USH2A: variants seen among roughly 807,000 people sequenced by gnomAD.
USH2A encodes Usher syndrome 2A (autosomal recessive, mild).
Under a neutral mutation model 538.9 loss-of-function variants are expected in USH2A, and 443 were observed. The observed-to-expected ratio is 0.82, with a 90% CI of 0.76 to 0.89. The LOEUF is 0.89. Among genes scored for constraint, USH2A ranks in the 40% least tolerant of loss-of-function variants. USH2A has a pLI of 0.00. For missense variants in USH2A, 6,633 were observed against 6,324.8 expected (o/e 1.05, Z -1.65); for synonymous variants, 2,413 against 2,273.5 (o/e 1.06, Z -1.75).
intron 3 of USH2A, among the ~76,000 whole-genome samples, chr1:216,409,251 T>C (rs1365758970): frequency 6.6e-6 from 1 of 152,042 alleles, no homozygotes; most frequent in African/African-American, 2.4e-5. Context: ...TTGGTTTGTG[T>C]GACATTCCAT....
intron 60 of USH2A, among the ~76,000 whole-genome samples, chr1:215,734,095 C>T (rs1403883006): frequency 6.6e-6 from 1 of 152,194 alleles, no homozygotes; most frequent in African/African-American, 2.4e-5. Flanking sequence ...GCCTGGGCAC[C>T]CAGGCTTTCT....
At chr1:216,079,474 G>A (rs1157124666) in intron 26 of USH2A, among the ~76,000 whole-genome samples, 1 of 152,162 alleles carries the variant, frequency 6.6e-6, no homozygotes, top group Non-Finnish European at 1.5e-5. Context: ...GTCCCCCAAG[G>A]AGGGGGACTA....
chr1:216,408,482 T>C (rs1354259769), intron 3 of USH2A, among the ~76,000 whole-genome samples: 4 of 152,178 alleles, frequency 2.6e-5, no homozygotes, highest in African/African-American at 9.6e-5. Context: ...TAAAGTTTAA[T>C]TTTTATAAAT....
chr1:215,789,108 A>C (rs1201802620), intron 51 of USH2A, among the ~76,000 whole-genome samples: 2 of 152,162 alleles, frequency 1.3e-5, no homozygotes, highest in African/African-American at 4.8e-5. Flanking sequence ...CAGAAAACAA[A>C]ATGAAACCTA....
intron 44 of USH2A, among the ~76,000 whole-genome samples, chr1:215,862,161 AT>A (rs1664334691): frequency 6.6e-6 from 1 of 152,112 alleles, no homozygotes; most frequent in Admixed American, 6.5e-5. Flanking sequence ...TTTTAACTAG[AT>A]TTTTAAATTT....
At chr1:215,673,956 G>T (rs996797819) in intron 63 of USH2A, 144 bp downstream of exon 63, 1 of 1,409,732 alleles carries the variant, frequency 7.1e-7, no homozygotes, top group Non-Finnish European at 9.9e-7. Context: ...GATGTGCTTT[G>T]TCTACTATGC....
intron 14 of USH2A, among the ~76,000 whole-genome samples, chr1:216,228,577 C>A (rs2035610505): frequency 6.6e-6 from 1 of 152,102 alleles, no homozygotes; most frequent in Non-Finnish European, 1.5e-5. Flanking sequence ...AGTTTCCCTG[C>A]ACAAGCTTTC....
intron 21 of USH2A, among the ~76,000 whole-genome samples, chr1:216,167,662 T>TC (rs965749018): frequency 9.2e-5 from 14 of 152,038 alleles, no homozygotes; most frequent in African/African-American, 3.4e-4. Flanking sequence ...AAACCCCAAG[T>TC]AAAGGTCAAA....
rs1483965400 is a variant in USH2A at position 216,325,550 on chromosome 1, A to G, written c.898T>C (p.Ser300Pro). The G allele has an allele frequency of 6.2e-7, 1 of 1,613,398 alleles. No individual in the cohort carries two copies. The highest frequency in any genetic ancestry group is 2.2e-5 in the East Asian group (1 of 44,782). ...SGDLLRLHAQ[S>P]HCRCPGSHPR... The stretch of plus-strand genomic sequence containing the variant: ...TGGCTGCCAGGGCAACGGCAATGTG[A>G]TTGGGCATGCAATCTGAGAAGATCT... Residue 300 changes from serine to proline, a missense_variant, in exon 6 of 72, where the codon TCA becomes CCA. Coordinates refer to ENST00000307340, the MANE Select transcript of USH2A (RefSeq NM_206933.4).
Position 215,969,700 on chromosome 1 carries a change from G to A in USH2A, c.6957+925C>T, listed in dbSNP as rs190302906. Among the ~76,000 whole-genome samples, 10 of 152,118 alleles carry A rather than the reference G, an allele frequency of 6.6e-5. No homozygotes were observed. In the East Asian group the frequency reaches 9.7e-4, roughly 15 times the overall value. On this transcript the variant is annotated intron_variant, in intron 36 of 71. Transcript: ENST00000307340. ...GCCGATGGATGGTGTTAGCTGCTTG[G>A]AAAGCAACCAATCTCTGAAACAAAA... is the stretch of plus-strand genomic sequence containing the variant.
intron 49 of USH2A, among the ~76,000 whole-genome samples, chr1:215,806,815 CCT>C (rs1662516810): frequency 6.6e-6 from 1 of 152,088 alleles, no homozygotes; most frequent in East Asian, 1.9e-4. Flanking sequence ...ACTGCCACTC[CCT>C]GAGGCAGCTG....
chr1:215,986,855 A>G (rs1667884925), intron 35 of USH2A, among the ~76,000 whole-genome samples: 1 of 152,104 alleles, frequency 6.6e-6, no homozygotes, highest in Non-Finnish European at 1.5e-5. Flanking sequence ...AGATGCCTCT[A>G]CTCCGTGGCA....
chr1:216,168,548 A>T lies in USH2A; in HGVS notation c.4627+6704T>A, dbSNP rs140559040. Among the ~76,000 whole-genome samples the T allele has an allele frequency of 4.0e-3, 607 of 152,280 alleles. 6 individuals carry two copies. Among genetic ancestry groups the T allele is most frequent in the African/African-American group, 0.014 (580 of 41,588 alleles). The stretch of plus-strand genomic sequence containing the variant: ...TTAGTTTACAATTTAGTTTTGAAAC[A>T]AAGATGGTAACAGCCTTTTCCCTAA... On this transcript the variant is annotated intron_variant, in intron 21 of 71. Transcript: ENST00000307340.
chr1:216,029,270 A>G lies in USH2A; in HGVS notation c.6325+17161T>C, dbSNP rs527773052. Among the ~76,000 whole-genome samples, 25 of 152,192 alleles carry G rather than the reference A, an allele frequency of 1.6e-4. 1 individual carries two copies. In the South Asian group the frequency reaches 5.2e-3, roughly 32 times the overall value. On this transcript the variant is annotated intron_variant, in intron 32 of 71. Transcript: ENST00000307340. ...GCCTCCAGATGTAGTCTACATACATATAACCAAACAAATAAACATTAGCAG... is the reference window on the plus strand; with the variant it reads ...GCCTCCAGATGTAGTCTACATACATGTAACCAAACAAATAAACATTAGCAG...
intron 37 of USH2A, among the ~76,000 whole-genome samples, chr1:215,939,033 C>T (rs1372087433): frequency 6.6e-6 from 1 of 152,070 alleles, no homozygotes; most frequent in African/African-American, 2.4e-5. Flanking sequence ...ACAGATGTCT[C>T]CTTATAGGCT....
In USH2A at chr1:216,298,399, G is replaced by A. The variant is rs115538720; in HGVS notation, c.1645-6029C>T. ...TCTAATTTCAGATTTTATACTTAACGTCAGCCCAAAAGCCATTATCAAAAA... is the reference window on the plus strand; with the variant it reads ...TCTAATTTCAGATTTTATACTTAACATCAGCCCAAAAGCCATTATCAAAAA... On this transcript the variant is annotated intron_variant, in intron 9 of 71. Coordinates refer to ENST00000307340, the MANE Select transcript of USH2A (RefSeq NM_206933.4). Among the ~76,000 whole-genome samples the A allele has an allele frequency of 4.9e-3, 744 of 152,134 alleles. 10 individuals are homozygous for A. Among genetic ancestry groups the A allele is most frequent in the Non-Finnish European group, 7.7e-3 (525 of 67,988 alleles).
chr1:216,310,763 T>C (rs2037405370), intron 9 of USH2A, among the ~76,000 whole-genome samples: 3 of 152,358 alleles, frequency 2.0e-5, no homozygotes, highest in Admixed American at 2.0e-4. Context: ...TGGAGATCAC[T>C]GAGTTTTCTT....
chr1:216,114,955 T>C (rs1470640574), intron 21 of USH2A, among the ~76,000 whole-genome samples: 3 of 152,116 alleles, frequency 2.0e-5, no homozygotes, highest in East Asian at 1.9e-4. Flanking sequence ...TGTATTTTCA[T>C]AGATATATAT....
chr1:215,981,344 CTT>C (rs1194326148), intron 35 of USH2A, among the ~76,000 whole-genome samples: 1 of 152,038 alleles, frequency 6.6e-6, no homozygotes, highest in African/African-American at 2.4e-5. Flanking sequence ...TATCATCTCT[CTT>C]ATTATTTATC....
Sources: allele counts gnomAD v4.1 joint callset (sites outside exome capture counted in the v4.1 genomes callset), GRCh38; gene constraint gnomAD v4.1.1; transcripts MANE v1.5; gene names NCBI Gene and HGNC (gene_info 2026-07-23, HGNC 2026-07-21).